SYT7: variants seen among roughly 807,000 people sequenced by gnomAD.
The protein encoded by SYT7 is synaptotagmin-7.
In SYT7, 29 loss-of-function variants were observed where a neutral mutation model predicts 75.1. The ratio of observed to expected loss-of-function variants is 0.39; its 90% confidence interval spans 0.29 to 0.53. The LOEUF is 0.53. Among genes scored for constraint, SYT7 ranks in the 20% least tolerant of loss-of-function variants. The pLI, the probability that SYT7 is intolerant of heterozygous loss-of-function variation, is 0.77. For missense variants in SYT7, 693 were observed against 953.2 expected, an observed-to-expected ratio of 0.73 and a Z score of 3.59; for synonymous variants, 376 against 401.7, an observed-to-expected ratio of 0.94 and a Z score of 0.76.
At chr11:61,581,678 C>T (rs1436930142), upstream of SYT7, among the ~76,000 whole-genome samples, 1 of 152,224 alleles carries the variant, frequency 6.6e-6, no homozygotes, top group East Asian at 1.9e-4. Context: ...GGGCTAAGAT[C>T]CCTGCCCTCG....
In SYT7 at chr11:61,533,382, C is replaced by T; in HGVS notation, c.1065-258G>A. The T allele has an allele frequency of 1.2e-5, 12 of 985,390 alleles. 1 individual carries two copies. The highest frequency in any genetic ancestry group is 8.4e-6 in the Non-Finnish European group (7 of 829,918). The allele number at this position is 985,390 out of a possible 1,614,324, so 61.0% of individuals were successfully genotyped here. A position where few individuals can be genotyped will look rare whatever the true frequency, so the allele number is the denominator to read the frequency against. ...ATAGGGGATATTTTGGGGGGTGTCC[C>T]CATTCTTCCTGTTCCCCAGAAACCC... On this transcript the variant is annotated intron_variant, in intron 7 of 12. Coordinates refer to ENST00000539008, the MANE Select transcript of SYT7 (RefSeq NM_001365809.2).
chr11:61,535,321 A>G (rs1161010353), intron 7 of SYT7, among the ~76,000 whole-genome samples: 1 of 152,218 alleles, frequency 6.6e-6, no homozygotes, highest in East Asian at 1.9e-4. Context: ...ACACCGTGAC[A>G]GAGGAACATG....
intron 6 of SYT7, chr11:61,540,156 G>A (rs1475297240): frequency 6.6e-6 from 1 of 152,230 alleles, no homozygotes; most frequent in Non-Finnish European, 1.5e-5. Flanking sequence ...GCGAGGGTTA[G>A]GATGAGGGGC....
chr11:61,573,212 G>A (rs1335721770), intron 1 of SYT7, among the ~76,000 whole-genome samples: 3 of 152,202 alleles, frequency 2.0e-5, no homozygotes, highest in Non-Finnish European at 4.4e-5. Flanking sequence ...TGTGGGTACA[G>A]AACAAATCCT....
Position 61,574,573 on chromosome 11 carries a change from G to A in SYT7, c.31+6217C>T, listed in dbSNP as rs79116227. On this transcript the variant is annotated intron_variant, in intron 1 of 12. Coordinates refer to ENST00000539008, the MANE Select transcript of SYT7 (RefSeq NM_001365809.2). ...TGCAAAGCACAAAACCCCCATTCCT[G>A]GAGAAAGTGTTTCCAAGGGTCCCTT... 7.1e-3 allele frequency among the ~76,000 whole-genome samples: 1,080 copies of A among 152,092 alleles called. 11 individuals are homozygous for A. Among genetic ancestry groups the A allele is most frequent in the African/African-American group, 0.025 (1,031 of 41,504 alleles).
the SYT7 span, among the ~76,000 whole-genome samples, chr11:61,587,596 C>A: frequency 5.9e-5 from 9 of 152,234 alleles, no homozygotes; most frequent in East Asian, 9.6e-4. Context: ...CCTCCAGGGC[C>A]GCGCAGAAGG....
At chr11:61,558,499 C>T (rs1049926150) in intron 1 of SYT7, among the ~76,000 whole-genome samples, 1 of 140,828 alleles carries the variant, frequency 7.1e-6, no homozygotes. Flanking sequence ...CACACACACA[C>T]ACACATACAC....
In SYT7 at chr11:61,553,841, G is replaced by A. The variant is rs2063418707; in HGVS notation, c.135+2263C>T. Among the ~76,000 whole-genome samples, 1 of 152,168 alleles carries A rather than the reference G, an allele frequency of 6.6e-6. No individual in the cohort carries two copies. The highest frequency in any genetic ancestry group is 2.4e-5 in the African/African-American group (1 of 41,440). On this transcript the variant is annotated intron_variant, in intron 2 of 12. Transcript: ENST00000539008. This position sits in a 1 kb window ranked among gnomAD's most constrained non-coding sequence, Gnocchi z 5.2. ...GGGTATCACGTCACTGCTGCTGAGG[G>A]GACAGGCAGGCAAGGAGAGCCCAAC...
chr11:61,519,820 G>A (rs1471138940), intron 12 of SYT7, among the ~76,000 whole-genome samples: 1 of 152,084 alleles, frequency 6.6e-6, no homozygotes, highest in Admixed American at 6.5e-5. Context: ...GTTTTTGTTT[G>A]TTTGTTTGTT....
At chr11:61,567,657 T>TA (rs933261453) in intron 1 of SYT7, among the ~76,000 whole-genome samples, 4 of 152,144 alleles carry the variant, frequency 2.6e-5, no homozygotes, top group African/African-American at 9.7e-5. Context: ...GCGAACGTGG[T>TA]AAATACCACG....
chr11:61,582,998 C>T (rs927018483), upstream of SYT7, among the ~76,000 whole-genome samples: 19 of 152,064 alleles, frequency 1.2e-4, no homozygotes, highest in South Asian at 2.5e-3. Flanking sequence ...GATGACGGGG[C>T]GGGAAGATCA....
intron 8 of SYT7, among the ~76,000 whole-genome samples, chr11:61,530,153 T>A (rs1252538494): frequency 6.6e-6 from 1 of 152,226 alleles, no homozygotes; most frequent in African/African-American, 2.4e-5. Flanking sequence ...TCACCTGCGA[T>A]TGAATGGCCA....
rs964338659 is a variant in SYT7 at position 61,516,080 on chromosome 11, A to G, written c.*2547T>C. On this transcript the variant is annotated 3_prime_UTR_variant, in exon 13 of 13. Coordinates refer to ENST00000539008, the MANE Select transcript of SYT7 (RefSeq NM_001365809.2). This position sits in a 1 kb window ranked among gnomAD's most constrained non-coding sequence, Gnocchi z 4.6. ...CCAGGGAGTGCGGGTGACTTGCCCA[A>G]AGTCCTGGGATGGTGGCAAGGCTCC... 9 of 152,386 alleles carry G rather than the reference A, an allele frequency of 5.9e-5. No individual in the cohort carries two copies. Among genetic ancestry groups the G allele is most frequent in the African/African-American group, 2.2e-4 (9 of 41,394 alleles). The allele number at this position is 152,386 out of a possible 1,614,324, so 9.4% of individuals were successfully genotyped here.
intron 1 of SYT7, among the ~76,000 whole-genome samples, chr11:61,574,805 C>T (rs140640942): frequency 9.0e-4 from 137 of 152,186 alleles, no homozygotes; most frequent in African/African-American, 3.1e-3. Context: ...TCTCTGGCCT[C>T]GCTGACACCA....
Position 61,542,538 on chromosome 11 carries a change from G to A in SYT7, c.614C>T (p.Ser205Phe). The stretch of plus-strand genomic sequence containing the variant: ...CGGCTCTCCCGTGGAGCTGGGGATA[G>A]ACTCAAGGGTAGTGGCCGTGGACAG... ...STLSTATTLE[S>F]IPSSTGEPKC... is the part of the protein sequence containing the mutation. The change falls in exon 6 of 13, where the codon TCT (serine) becomes TTT (phenylalanine). Residue 205 changes from serine to phenylalanine, a missense_variant. This residue lies in a region of SYT7 where 487 missense variants were observed against 593.2 expected (regional missense o/e 0.82). Transcript: ENST00000539008. This position sits in a 1 kb window ranked among gnomAD's most constrained non-coding sequence, Gnocchi z 7.8. The A allele has an allele frequency of 5.2e-6, 8 of 1,529,354 alleles. No individual in the cohort carries two copies. Among genetic ancestry groups the A allele is most frequent in the Non-Finnish European group, 7.0e-6 (8 of 1,143,350 alleles). The allele number at this position is 1,529,354 out of a possible 1,614,324, so 94.7% of individuals were successfully genotyped here. A position where few individuals can be genotyped will look rare whatever the true frequency, so the allele number is the denominator to read the frequency against.
Position 61,546,233 on chromosome 11 carries a change from T to C in SYT7, c.370A>G (p.Lys124Glu). 6.9e-7 allele frequency: 1 copy of C among 1,453,656 alleles called. No homozygotes were observed. The allele number at this position is 1,453,656 out of a possible 1,614,324, so 90.0% of individuals were successfully genotyped here. ...SLNGTLLSGA[K>E]VAAAAGLAVE... ...GCCAGCCCCGCCGCGGCGGCCACTT[T>C]GGCGCCCGACAGGAGGGTGCCACTG... Residue 124 changes from lysine to glutamate, a missense_variant, in exon 5 of 13, where the codon AAA (lysine) becomes GAA (glutamate). Coordinates refer to ENST00000539008, the MANE Select transcript of SYT7 (RefSeq NM_001365809.2). The surrounding 1 kb of genome is among the most constrained non-coding windows in gnomAD (Gnocchi z 7.6).
At chr11:61,562,985 C>T (rs554437811) in intron 1 of SYT7, among the ~76,000 whole-genome samples, 215 of 152,196 alleles carry the variant, frequency 1.4e-3, no homozygotes, top group African/African-American at 4.6e-3. Flanking sequence ...CAGAGGGGAA[C>T]GGGAGGGGGT....
intron 12 of SYT7, among the ~76,000 whole-genome samples, chr11:61,519,697 G>A (rs2062251203): frequency 6.6e-6 from 1 of 152,374 alleles, no homozygotes; most frequent in Middle Eastern, 3.4e-3. Flanking sequence ...TGTGACGAAT[G>A]TCCCATCAAA....
At chr11:61,529,131 G>A (rs1017014948) in intron 8 of SYT7, among the ~76,000 whole-genome samples, 6 of 152,080 alleles carry the variant, frequency 3.9e-5, no homozygotes, top group African/African-American at 1.4e-4. Context: ...CCCAGTTAGG[G>A]GGCTGTATGG....
Sources: gnomAD v4.1 joint callset for allele counts (sites outside exome capture counted in the v4.1 genomes callset) on GRCh38, gnomAD v4.1.1 for gene constraint, gnomAD v4.1.1 regional missense constraint, Gnocchi (gnomAD v3.1) non-coding constraint, MANE v1.5 for transcripts, NCBI Gene and HGNC (gene_info 2026-07-23, HGNC 2026-07-21) for gene names.